The following ZNF100 variants were observed in gnomAD, a reference collection of about 807,000 sequenced individuals.
The protein encoded by ZNF100 is zinc finger protein 100 (Y1).
A neutral mutation model predicts 15.8 loss-of-function variants in ZNF100; 12 were observed. The observed-to-expected ratio is 0.76, with a 90% CI of 0.49 to 1.23. The LOEUF is 1.23. Ranked by LOEUF, ZNF100 falls within the 50% of genes most tolerant of loss-of-function variation. The probability of loss-of-function intolerance (pLI) is 0.00; values close to 1 mark genes in which losing one functional copy is unlikely to be tolerated. For missense variants in ZNF100, 670 were observed against 635.6 expected, an observed-to-expected ratio of 1.05 and a Z score of -0.58; for synonymous variants, 226 against 214.8, an observed-to-expected ratio of 1.05 and a Z score of -0.45.
chr19:21,751,867 C>T, intron 2 of ZNF100: 1 of 700,574 alleles, frequency 1.4e-6, no homozygotes, highest in Non-Finnish European at 2.5e-6. Flanking sequence ...GAAGGTCTTT[C>T]AGCGCTGATC....
chr19:21,728,035 A>G, intron 4 of ZNF100, 46 bp from the exon 5 acceptor site: 11 of 1,426,024 alleles, frequency 7.7e-6, no homozygotes, highest in Non-Finnish European at 1.0e-5. Context: ...CTAGACACAG[A>G]TAGTTTACAA....
chr19:21,733,055 T>C (rs2035946012), intron 4 of ZNF100, among the ~76,000 whole-genome samples: 1 of 152,120 alleles, frequency 6.6e-6, no homozygotes, highest in Non-Finnish European at 1.5e-5. Flanking sequence ...AGTGAAACTC[T>C]GCATATAAAC....
Position 21,725,654 on chromosome 19 carries a change from ACATT to A in ZNF100, c.*1025_*1028del, listed in dbSNP as rs1380625041. 15 of 152,316 alleles carry A rather than the reference ACATT, an allele frequency of 9.8e-5. No individual in the cohort carries two copies. In the East Asian group the frequency reaches 2.3e-3, roughly 23 times the overall value. 9.4% of individuals were successfully genotyped at this position (152,316 alleles called of 1,614,324 possible). A position where few individuals can be genotyped will look rare whatever the true frequency, so the allele number is the denominator to read the frequency against. On this transcript the variant is annotated 3_prime_UTR_variant, in exon 5 of 5. Coordinates refer to ENST00000358296, the MANE Select transcript of ZNF100 (RefSeq NM_173531.4). ...CAGGAAATAATTTAAGAGTTGAATT[ACATT>A]ATTACTCACTTTTCAAAAAATCTAA...
intron 1 of ZNF100, 138 bp from the exon 2 acceptor site, chr19:21,765,924 T>C (rs117844908): frequency 0.072 from 53,120 of 741,824 alleles, 2,550 homozygotes; most frequent in Non-Finnish European, 0.093. Context: ...TGAGGACACA[T>C]CACCCCATAG....
rs1163091545 is a variant in ZNF100 at position 21,723,987 on chromosome 19, C to T, written c.*2696G>A. 2 of 152,138 alleles carry T rather than the reference C, an allele frequency of 1.3e-5. No homozygotes were observed. Among genetic ancestry groups the T allele is most frequent in the African/African-American group, 2.4e-5 (1 of 41,432 alleles). 9.4% of individuals were successfully genotyped at this position (152,138 alleles called of 1,614,324 possible). A position where few individuals can be genotyped will look rare whatever the true frequency, so the allele number is the denominator to read the frequency against. On this transcript the variant is annotated 3_prime_UTR_variant, in exon 5 of 5. Transcript: ENST00000358296. ...GAATTACATTTAAAAATTTTGTATG[C>T]ACTAAATTTTGTAAAAATTATTCTT...
In ZNF100 at chr19:21,748,279, C is replaced by T. The variant is rs1476397214; in HGVS notation, c.97-3212G>A. Among the ~76,000 whole-genome samples the T allele has an allele frequency of 2.6e-5, 4 of 152,266 alleles. No homozygotes were observed. The East Asian group carries it at 5.8e-4, about 22-fold the overall frequency. On this transcript the variant is annotated intron_variant, in intron 2 of 4. Coordinates refer to ENST00000358296, the MANE Select transcript of ZNF100 (RefSeq NM_173531.4). ...AAGGATTTACCGGCCAAAACTCTGA[C>T]CTTTATAAATCAGTTCTGTAAGGCA...
intron 2 of ZNF100, among the ~76,000 whole-genome samples, chr19:21,746,485 G>A (rs778618331): frequency 6.6e-6 from 1 of 151,860 alleles, no homozygotes; most frequent in Non-Finnish European, 1.5e-5. Flanking sequence ...TATTCTCCAC[G>A]TAAACCCCAG....
chr19:21,733,505 A>G (rs2035955793), intron 4 of ZNF100, among the ~76,000 whole-genome samples: 1 of 152,236 alleles, frequency 6.6e-6, no homozygotes, highest in Non-Finnish European at 1.5e-5. Flanking sequence ...AAGTCACAAC[A>G]AAATTAAAAC....
chr19:21,752,870 C>G (rs1053741357), intron 2 of ZNF100: 2 of 152,090 alleles, frequency 1.3e-5, no homozygotes, highest in African/African-American at 4.8e-5. Flanking sequence ...GCTGTGTTGT[C>G]CAGGCTGGAG....
chr19:21,734,963 T>G (rs2035982715), intron 4 of ZNF100, among the ~76,000 whole-genome samples: 1 of 152,064 alleles, frequency 6.6e-6, no homozygotes, highest in Admixed American at 6.5e-5. Flanking sequence ...AGCTTCATAG[T>G]GAAGGAGAAA....
At chr19:21,732,765 A>T (rs563674034) in intron 4 of ZNF100, among the ~76,000 whole-genome samples, 31 of 152,146 alleles carry the variant, frequency 2.0e-4, no homozygotes, top group East Asian at 1.7e-3. Context: ...ATACAGAGGT[A>T]ACTTGAAGAC....
At position 21,731,318 on chromosome 19, in the gene ZNF100, TTA is replaced by T. The variant is rs1285795812; in HGVS notation, c.323-3331_323-3330del. Reference sequence around the variant, plus strand: ...TTTTCTTTCCTTTTTTTTTTATTTTTTATTTTTTGAGATGGAGTCTTGCACTG... The same window carrying T: ...TTTTCTTTCCTTTTTTTTTTATTTTTTTTTTTGAGATGGAGTCTTGCACTG... On this transcript the variant is annotated intron_variant, in intron 4 of 4. Coordinates refer to ENST00000358296, the MANE Select transcript of ZNF100 (RefSeq NM_173531.4). 6.0e-3 allele frequency among the ~76,000 whole-genome samples: 896 copies of T among 149,428 alleles called. 39 individuals carry two copies. Among genetic ancestry groups the T allele is most frequent in the African/African-American group, 0.022 (849 of 39,396 alleles).
chr19:21,763,857 C>A (rs1401259677), intron 2 of ZNF100, among the ~76,000 whole-genome samples: 1 of 152,164 alleles, frequency 6.6e-6, no homozygotes, highest in Non-Finnish European at 1.5e-5. Flanking sequence ...CTTGGCAATT[C>A]TTAAAGTTTT....
At chr19:21,766,678 T>A (rs1259977432) in intron 1 of ZNF100, among the ~76,000 whole-genome samples, 1 of 152,190 alleles carries the variant, frequency 6.6e-6, no homozygotes, top group Non-Finnish European at 1.5e-5. Context: ...GGATACTCTA[T>A]GATTCTTGAA....
intron 2 of ZNF100, among the ~76,000 whole-genome samples, chr19:21,748,061 ACTTGT>A (rs1336765214): frequency 6.6e-6 from 1 of 152,206 alleles, no homozygotes; most frequent in African/African-American, 2.4e-5. Context: ...ATTTATATTT[ACTTGT>A]CTGTGACTTG....
intron 2 of ZNF100, among the ~76,000 whole-genome samples, chr19:21,748,209 C>T (rs2145724249): frequency 6.6e-6 from 1 of 152,196 alleles, no homozygotes; most frequent in African/African-American, 2.4e-5. Context: ...TATTTATCTG[C>T]TTTTGGGTTG....
At chr19:21,754,278 T>C (rs2036357552) in intron 2 of ZNF100, among the ~76,000 whole-genome samples, 1 of 152,084 alleles carries the variant, frequency 6.6e-6, no homozygotes, top group African/African-American at 2.4e-5. Flanking sequence ...GTTCAGAGCT[T>C]GGAGAGTCAA....
rs1284532605 is a variant in ZNF100 at position 21,727,634 on chromosome 19, A to G, written c.678T>C (p.Phe226=). The change falls in exon 5 of 5, where the codon TTT becomes TTC. Residue 226 remains phenylalanine, a synonymous_variant. Transcript: ENST00000358296. The part of the protein sequence containing the change: ...MLLHLTQHKR[F]HITENSYQCK... ...ATTGGTAGGAATTCTCTGTAATATG[A>G]AATCTTTTATGTTGAGTTAGGTGTA... 2 of 1,611,834 alleles carry G rather than the reference A, an allele frequency of 1.2e-6. No individual in the cohort carries two copies. Among genetic ancestry groups the G allele is most frequent in the Non-Finnish European group, 1.7e-6 (2 of 1,179,268 alleles).
intron 3 of ZNF100, 81 bp from the exon 4 acceptor site, chr19:21,744,196 G>C (rs2036171730): frequency 1.6e-6 from 2 of 1,214,256 alleles, no homozygotes; most frequent in Middle Eastern, 2.1e-4. Context: ...AAGAGGAGGT[G>C]ATAGAATATT....
Sources: allele counts gnomAD v4.1 joint callset (sites outside exome capture counted in the v4.1 genomes callset), GRCh38; gene constraint gnomAD v4.1.1; transcripts MANE v1.5; gene names NCBI Gene and HGNC (gene_info 2026-07-23, HGNC 2026-07-21).